Variants in PRIM2 observed in about 807,000 individuals in gnomAD.
PRIM2 encodes DNA primase subunit 2, also known as DNA primase large subunit.
PRIM2 carries 39 observed loss-of-function variants against 67.3 expected under a neutral mutation model. The observed-to-expected ratio is 0.58, with a 90% CI of 0.45 to 0.76. PRIM2 has a LOEUF of 0.76. PRIM2 is among the 30% of genes least tolerant of loss of function. The pLI is 0.00. For missense variants in PRIM2, 398 were observed against 598.7 expected (o/e 0.66, Z 3.50); for synonymous variants, 143 against 198.7 (o/e 0.72, Z 2.36).
intron 8 of PRIM2, among the ~76,000 whole-genome samples, chr6:57,514,393 G>A (rs1430138250): frequency 6.6e-6 from 1 of 152,002 alleles, no homozygotes; most frequent in Non-Finnish European, 1.5e-5. Context: ...GCCAGAAAAT[G>A]GTTTAGTAGA....
At chr6:57,279,015 A>G in the PRIM2 span, among the ~76,000 whole-genome samples, 1 of 152,256 alleles carries the variant, frequency 6.6e-6, no homozygotes, top group African/African-American at 2.4e-5. Context: ...TGTGATAGAT[A>G]CTAGGAGTAC....
chr6:57,435,599 G>T (rs11756625), intron 7 of PRIM2, among the ~76,000 whole-genome samples: 1 of 152,216 alleles, frequency 6.6e-6, no homozygotes, highest in South Asian at 2.1e-4. Context: ...AGGGACTGAA[G>T]AATTTATTGA....
chr6:57,304,707 T>C, the PRIM2 span, among the ~76,000 whole-genome samples: 8 of 152,174 alleles, frequency 5.3e-5, no homozygotes, highest in East Asian at 5.8e-4. Context: ...CCCTGGGGCA[T>C]TGTGGGGCAG....
At chr6:57,484,946 C>T (rs1204265928) in intron 7 of PRIM2, among the ~76,000 whole-genome samples, 1 of 152,106 alleles carries the variant, frequency 6.6e-6, no homozygotes, top group Non-Finnish European at 1.5e-5. Context: ...TTGCCTTGTT[C>T]ATGTCTCTGT....
intron 13 of PRIM2, among the ~76,000 whole-genome samples, chr6:57,642,324 T>A (rs1244196744): frequency 6.6e-6 from 1 of 151,804 alleles, no homozygotes; most frequent in African/African-American, 2.4e-5. Context: ...TGTGTATGCC[T>A]ATGTAACCTG....
chr6:57,419,728 A>G (rs1467840037), intron 7 of PRIM2, among the ~76,000 whole-genome samples: 8 of 152,200 alleles, frequency 5.3e-5, no homozygotes, highest in Non-Finnish European at 8.8e-5. Context: ...GGTTGCATTC[A>G]TATTTAACCC....
chr6:57,570,523 A>C (rs1321826655), intron 10 of PRIM2, among the ~76,000 whole-genome samples: 49 of 152,160 alleles, frequency 3.2e-4, no homozygotes, highest in African/African-American at 1.2e-3. Flanking sequence ...CTGTTTTTCT[A>C]ACATTAAGAT....
the PRIM2 span, among the ~76,000 whole-genome samples, chr6:57,295,268 C>G: frequency 1.3e-5 from 2 of 151,878 alleles, no homozygotes; most frequent in African/African-American, 4.8e-5. Flanking sequence ...ATTTTGATGC[C>G]AATAATGACT....
rs1479712649 is a variant in PRIM2 at position 57,639,969 on chromosome 6, G to A, written c.1300-5959G>A. On this transcript the variant is annotated intron_variant, in intron 13 of 13. Coordinates refer to ENST00000615550, the MANE Select transcript of PRIM2 (RefSeq NM_000947.5). Reference sequence around the variant, plus strand: ...CTGGCCAATATCCCTGGTGAACATCGATGCAAAAAATCCTCAATAAAATAC... The same window carrying A: ...CTGGCCAATATCCCTGGTGAACATCAATGCAAAAAATCCTCAATAAAATAC... Among the ~76,000 whole-genome samples, 102 of 151,826 alleles carry A rather than the reference G, an allele frequency of 6.7e-4. 1 individual carries two copies. The highest frequency in any genetic ancestry group is 9.7e-4 in the Non-Finnish European group (66 of 67,972).
At chr6:57,632,539 T>A (rs1777054577) in intron 13 of PRIM2, among the ~76,000 whole-genome samples, 1 of 152,118 alleles carries the variant, frequency 6.6e-6, no homozygotes, top group Non-Finnish European at 1.5e-5. Flanking sequence ...TCATGGTCCA[T>A]ATGGTCTGCG....
chr6:57,432,224 G>A (rs1216800465), intron 7 of PRIM2, among the ~76,000 whole-genome samples: 1 of 152,122 alleles, frequency 6.6e-6, no homozygotes, highest in East Asian at 1.9e-4. Flanking sequence ...CCATTTTTGG[G>A]GGGGGTTGGG....
At chr6:57,600,747 C>G (rs1361513153) in intron 10 of PRIM2, among the ~76,000 whole-genome samples, 3 of 152,056 alleles carry the variant, frequency 2.0e-5, no homozygotes, top group Non-Finnish European at 4.4e-5. Context: ...AGAAAAGAGG[C>G]TAAACTGATT....
At chr6:57,394,134 G>T (rs1251059989) in intron 7 of PRIM2, among the ~76,000 whole-genome samples, 1 of 152,030 alleles carries the variant, frequency 6.6e-6, no homozygotes, top group Non-Finnish European at 1.5e-5. Context: ...GCCTTGCTTT[G>T]GCTATGCGGG....
chr6:57,403,249 A>ATTTTTTTT (rs71299587), intron 7 of PRIM2, among the ~76,000 whole-genome samples: 1 of 110,204 alleles, frequency 9.1e-6, no homozygotes, highest in African/African-American at 3.6e-5. Flanking sequence ...CAGGTGAAGA[A>ATTTTTTTT]TTTTTTTTTT....
At chr6:57,476,133 C>T (rs1269043868) in intron 7 of PRIM2, among the ~76,000 whole-genome samples, 2 of 152,102 alleles carry the variant, frequency 1.3e-5, no homozygotes, top group Admixed American at 6.5e-5. Flanking sequence ...CTCCCTACCC[C>T]CTCATGAACT....
intron 5 of PRIM2, among the ~76,000 whole-genome samples, chr6:57,370,438 AT>A (rs1375128000): frequency 6.6e-6 from 1 of 152,176 alleles, no homozygotes; most frequent in Admixed American, 6.5e-5. Context: ...GTCATCCTAC[AT>A]TTTTCAATGA....
chr6:57,500,092 T>C (rs1400825212), intron 7 of PRIM2, among the ~76,000 whole-genome samples: 19 of 152,232 alleles, frequency 1.2e-4, no homozygotes, highest in African/African-American at 4.3e-4. Context: ...TCTACCTATC[T>C]GCATGTCCTC....
chr6:57,280,807 T>G, the PRIM2 span, among the ~76,000 whole-genome samples: 5 of 152,180 alleles, frequency 3.3e-5, no homozygotes, highest in Non-Finnish European at 4.4e-5. Context: ...ATACCCAGCA[T>G]GTACTATCTT....
At chr6:57,351,919 T>C (rs950245557) in intron 5 of PRIM2, among the ~76,000 whole-genome samples, 50 of 152,234 alleles carry the variant, frequency 3.3e-4, no homozygotes, top group Non-Finnish European at 1.5e-4. Flanking sequence ...TTACTGACCC[T>C]TTCAATGCCT....
Sources: allele counts gnomAD v4.1 joint callset (sites outside exome capture counted in the v4.1 genomes callset), GRCh38; gene constraint gnomAD v4.1.1; transcripts MANE v1.5; gene names NCBI Gene and HGNC (gene_info 2026-07-23, HGNC 2026-07-21).